SLC44A2: variants seen among roughly 807,000 people sequenced by gnomAD.
SLC44A2 encodes choline transporter-like protein 2.
Under a neutral mutation model 90.8 loss-of-function variants are expected in SLC44A2, and 57 were observed. The observed-to-expected ratio is 0.63, with a 90% CI of 0.51 to 0.78. SLC44A2 has a LOEUF of 0.78. SLC44A2 is among the 30% of genes least tolerant of loss of function. The pLI, the probability that SLC44A2 is intolerant of heterozygous loss-of-function variation, is 0.00. For synonymous variants in SLC44A2, 355 were observed against 360.7 expected (o/e 0.98, Z 0.18); for missense variants, 794 against 919.7 (o/e 0.86, Z 1.77).
chr19:10,633,071 C>T (rs892161767), intron 10 of SLC44A2, among the ~76,000 whole-genome samples: 12 of 152,070 alleles, frequency 7.9e-5, no homozygotes, highest in African/African-American at 2.7e-4. Context: ...TGGGTAGGGG[C>T]CTGTTTAGTT....
Position 10,643,772 on chromosome 19 carries a change from C to G in SLC44A2, c.*387C>G. 1 of 188,652 alleles carries G rather than the reference C, an allele frequency of 5.3e-6. No homozygotes were observed. 11.7% of individuals were successfully genotyped at this position (188,652 alleles called of 1,614,324 possible). A position where few individuals can be genotyped will look rare whatever the true frequency, so the allele number is the denominator to read the frequency against. Reference sequence around the variant, plus strand: ...AGGGAGCTGCTGGCCACAGTGAACACCCACGTTTATTCCTGCCTGCTCCGG... The same window carrying G: ...AGGGAGCTGCTGGCCACAGTGAACAGCCACGTTTATTCCTGCCTGCTCCGG... On this transcript the variant is annotated 3_prime_UTR_variant, in exon 22 of 22. Coordinates refer to ENST00000335757, the MANE Select transcript of SLC44A2 (RefSeq NM_020428.4).
chr19:10,610,162 C>T (rs1047933756), intron 1 of SLC44A2, among the ~76,000 whole-genome samples: 2 of 150,092 alleles, frequency 1.3e-5, no homozygotes, highest in African/African-American at 2.5e-5. Flanking sequence ...GGCTAGTGGG[C>T]TAAGAATGGC....
upstream of SLC44A2, among the ~76,000 whole-genome samples, chr19:10,622,249 G>A (rs1326902935): frequency 2.6e-5 from 4 of 152,156 alleles, no homozygotes; most frequent in Non-Finnish European, 5.9e-5. Flanking sequence ...GAGAGAGGGA[G>A]GAGGTGAGGG....
chr19:10,608,412 G>A (rs1010373451), intron 1 of SLC44A2, among the ~76,000 whole-genome samples: 7 of 152,092 alleles, frequency 4.6e-5, no homozygotes, highest in Middle Eastern at 3.4e-3. Flanking sequence ...TGGATGGGCT[G>A]TCTTTTATTT....
intron 20 of SLC44A2, among the ~76,000 whole-genome samples, chr19:10,640,464 T>C (rs1224914769): frequency 6.6e-6 from 1 of 152,090 alleles, no homozygotes; most frequent in Non-Finnish European, 1.5e-5. Context: ...TCTACTATAA[T>C]AACAATAATA....
At chr19:10,621,722 G>A (rs1486070984), upstream of SLC44A2, among the ~76,000 whole-genome samples, 4 of 152,126 alleles carry the variant, frequency 2.6e-5, no homozygotes, top group Non-Finnish European at 4.4e-5. Context: ...AGGTTCAAGC[G>A]ATTCTCGTGC....
chr19:10,631,837 T>C, intron 8 of SLC44A2, 31 bp from the exon 9 acceptor site: 1 of 1,614,110 alleles, frequency 6.2e-7, no homozygotes, highest in Non-Finnish European at 8.5e-7. Context: ...TGGAAGAGGG[T>C]CTGACCCGAG....
Position 10,636,415 on chromosome 19 carries a change from G to A in SLC44A2, c.1326G>A (p.Leu442=), listed in dbSNP as rs772921105. ...YGGESGYHRA[L]LGLQIFNAFM... is the part of the protein sequence containing the mutation. ...GTGAGTCGGGCTACCACCGGGCCCT[G>A]CTGGGCCTGCAGATCTTCAATGCCT... is the stretch of plus-strand genomic sequence containing the variant. The change falls in exon 15 of 22, where the codon CTG becomes CTA. Residue 442 remains leucine, a synonymous_variant. Transcript: ENST00000335757. 2 of 1,614,056 alleles carry A rather than the reference G, an allele frequency of 1.2e-6. No individual in the cohort carries two copies. Among genetic ancestry groups the A allele is most frequent in the Non-Finnish European group, 1.7e-6 (2 of 1,180,030 alleles).
chr19:10,614,957 T>G (rs1481641940), intron 1 of SLC44A2, among the ~76,000 whole-genome samples: 4 of 119,836 alleles, frequency 3.3e-5, no homozygotes, highest in East Asian at 2.3e-4. Context: ...GGTGACAGAA[T>G]GAGACTCCGT....
intron 4 of SLC44A2, 51 bp from the exon 5 acceptor site, chr19:10,631,005 CA>C (rs60016481): frequency 0.027 from 32,094 of 1,185,914 alleles, no homozygotes; most frequent in Middle Eastern, 0.042. Flanking sequence ...GACTCTGTCT[CA>C]AAAAAAAAAA....
chr19:10,642,472 A>AT, intron 21 of SLC44A2, 21 bp downstream of exon 21: 1 of 1,609,776 alleles, frequency 6.2e-7, no homozygotes, highest in Non-Finnish European at 8.5e-7. Flanking sequence ...CCTCACCCCA[A>AT]ACCTTGCTGG....
chr19:10,637,552 A>C (rs2067071210), intron 16 of SLC44A2, 92 bp from the exon 17 acceptor site: 4 of 1,170,316 alleles, frequency 3.4e-6, no homozygotes, highest in Non-Finnish European at 5.1e-6. Context: ...GGAGACCTGG[A>C]CATTGGCAAG....
At chr19:10,639,880 C>CAA (rs112280242) in intron 20 of SLC44A2, among the ~76,000 whole-genome samples, 1 of 141,420 alleles carries the variant, frequency 7.1e-6, no homozygotes, top group Non-Finnish European at 1.6e-5. Flanking sequence ...GACTCTCTCT[C>CAA]AAAAAAAAAA....
At chr19:10,628,142 T>C (rs1599244340) in intron 4 of SLC44A2, 138 bp downstream of exon 4, 1 of 766,974 alleles carries the variant, frequency 1.3e-6, no homozygotes, top group Non-Finnish European at 2.2e-6. Context: ...TCCAACACTT[T>C]GGGAGGCCGA....
At position 10,636,798 on chromosome 19, in the gene SLC44A2, C is replaced by T. The variant is rs753629185; in HGVS notation, c.1591+42C>T. 31 of 1,580,664 alleles carry T rather than the reference C, an allele frequency of 2.0e-5. 1 individual carries two copies. The South Asian group carries it at 3.0e-4, about 15-fold the overall frequency. ...GTTCGCATTAGCTCCTGTTGCGGGG[C>T]GAGGCTGAATAGCGAACCAGGATTG... On this transcript the variant is annotated intron_variant, in intron 16 of 21. Transcript: ENST00000335757.
At chr19:10,628,341 G>C (rs138122262) in intron 4 of SLC44A2, among the ~76,000 whole-genome samples, 291 of 152,284 alleles carry the variant, frequency 1.9e-3, no homozygotes, top group Non-Finnish European at 3.0e-3. Context: ...AGCCGAGATC[G>C]TGCCACTGCA....
chr19:10,614,085 C>A (rs905573864), intron 1 of SLC44A2, among the ~76,000 whole-genome samples: 8 of 152,008 alleles, frequency 5.3e-5, no homozygotes, highest in Non-Finnish European at 8.8e-5. Flanking sequence ...ACTGCCTCAG[C>A]CTCCTGAGTA....
rs1321312213 is a variant in SLC44A2 at position 10,637,632 on chromosome 19, C to T, written c.1592-12C>T. On this transcript the variant is annotated splice_polypyrimidine_tract_variant and intron_variant, in intron 16 of 21. Transcript: ENST00000335757. ...GTCCCCTCACTTCCACATCCCTTCC[C>T]TTCTCTTCCAGCTGCAGAGAACAAG... 1 of 1,611,452 alleles carries T rather than the reference C, an allele frequency of 6.2e-7. No homozygotes were observed. Among genetic ancestry groups the T allele is most frequent in the Non-Finnish European group, 8.5e-7 (1 of 1,177,696 alleles).
In SLC44A2 at chr19:10,630,917, A is replaced by T. The variant is rs1599247842; in HGVS notation, c.246-140A>T. On this transcript the variant is annotated intron_variant, in intron 4 of 21. Coordinates refer to ENST00000335757, the MANE Select transcript of SLC44A2 (RefSeq NM_020428.4). ...CTACTCGGGAGGCTGAGGCAGGAGA[A>T]TTGCTTGAACCCGGGAGGCGGAGGT... 9.6e-6 allele frequency: 6 copies of T among 627,742 alleles called. No individual in the cohort carries two copies. In the East Asian group the frequency reaches 1.7e-4, roughly 18 times the overall value. The allele number at this position is 627,742 out of a possible 1,614,324, so 38.9% of individuals were successfully genotyped here.
Sources: allele counts gnomAD v4.1 joint callset (sites outside exome capture counted in the v4.1 genomes callset), GRCh38; gene constraint gnomAD v4.1.1; transcripts MANE v1.5; gene names NCBI Gene and HGNC (gene_info 2026-07-23, HGNC 2026-07-21).